PRKD3: variants seen among roughly 807,000 people sequenced by gnomAD.
PRKD3 encodes the protein protein kinase D3.
PRKD3 carries 47 observed loss-of-function variants against 99.2 expected under a neutral mutation model. The observed-to-expected ratio is 0.47, with a 90% confidence interval of 0.38 to 0.60. The LOEUF (loss-of-function observed/expected upper bound fraction) is 0.60. Among genes scored for constraint, PRKD3 ranks in the 20% least tolerant of loss-of-function variants. The pLI, the probability that PRKD3 is intolerant of heterozygous loss-of-function variation, is 0.00. For synonymous variants in PRKD3, 392 were observed against 355.4 expected (o/e 1.10, Z -1.16); for missense variants, 1,019 against 1,088.4 (o/e 0.94, Z 0.90).
chr2:37,286,138 C>A, intron 6 of PRKD3, 39 bp downstream of exon 6: 5 of 1,469,768 alleles, frequency 3.4e-6, no homozygotes, highest in Middle Eastern at 1.8e-4. Flanking sequence ...ATAACAAAAA[C>A]AGACATAAAT....
chr2:37,316,191 C>A, intron 2 of PRKD3, 46 bp downstream of exon 2: 1 of 1,501,540 alleles, frequency 6.7e-7, no homozygotes, highest in Non-Finnish European at 9.1e-7. Context: ...TATAGAAAAA[C>A]ATCAGTAACA....
At position 37,275,735 on chromosome 2, in the gene PRKD3, TGCTTA is replaced by T. The variant is rs1335957746; in HGVS notation, c.1374+27_1374+31del. On this transcript the variant is annotated intron_variant, in intron 10 of 18. Transcript: ENST00000234179. ...CTGAAAAAAACATACACTATCTTAATGCTTATATTTTTTAAAGTGTAAAATCCTTA... is the reference window on the plus strand; with the variant it reads ...CTGAAAAAAACATACACTATCTTAATTATTTTTTAAAGTGTAAAATCCTTA... 13 of 1,567,634 alleles carry T rather than the reference TGCTTA, an allele frequency of 8.3e-6. No homozygotes were observed. The Admixed American group carries it at 1.1e-4, about 14-fold the overall frequency.
intron 2 of PRKD3, among the ~76,000 whole-genome samples, chr2:37,294,918 T>A (rs893109855): frequency 1.4e-4 from 21 of 152,226 alleles, no homozygotes; most frequent in Admixed American, 3.3e-4. Flanking sequence ...CTGATAAAAA[T>A]ACAAAAATTA....
intron 1 of PRKD3, among the ~76,000 whole-genome samples, chr2:37,321,923 T>A (rs541436085): frequency 6.6e-6 from 1 of 152,244 alleles, no homozygotes; most frequent in Non-Finnish European, 1.5e-5. Context: ...TAGTGCAGCA[T>A]CATTCTTTTT....
chr2:37,253,215 T>C lies in PRKD3; in HGVS notation c.2635A>G (p.Met879Val), dbSNP rs1166847998. Residue 879 changes from methionine to valine, a missense_variant, in exon 19 of 19, where the codon ATG becomes GTG. Physicochemically the swap from Met to Val is conservative, Grantham distance 21. Coordinates refer to ENST00000234179, the MANE Select transcript of PRKD3 (RefSeq NM_005813.6). ...TCCATATCATCTGGATTAGGAGCCA[T>C]AATGAAGTGCTTTGGGTATACAAGG... ...HNLVYPKHFI[M>V]APNPDDMEED... 1 of 1,611,884 alleles carries C rather than the reference T, an allele frequency of 6.2e-7. No individual in the cohort carries two copies. Among genetic ancestry groups the C allele is most frequent in the Non-Finnish European group, 8.5e-7 (1 of 1,178,702 alleles).
chr2:37,294,821 T>G (rs1318752404), intron 2 of PRKD3, among the ~76,000 whole-genome samples: 1 of 152,208 alleles, frequency 6.6e-6, no homozygotes, highest in Non-Finnish European at 1.5e-5. Flanking sequence ...ATGCCTGTAA[T>G]CCCAGCACTT....
In PRKD3 at chr2:37,295,157, C is replaced by T. The variant is rs934756343; in HGVS notation, c.289-1886G>A. 5.1e-4 allele frequency among the ~76,000 whole-genome samples: 77 copies of T among 152,024 alleles called. 2 individuals are homozygous for T. Among genetic ancestry groups the T allele is most frequent in the Admixed American group, 1.3e-4 (2 of 15,260 alleles). On this transcript the variant is annotated intron_variant, in intron 2 of 18. Coordinates refer to ENST00000234179, the MANE Select transcript of PRKD3 (RefSeq NM_005813.6). ...CAAAAAGGCATACTTCTTGCATGTC[C>T]GGTAAGTGCAAGATACTGGCCCCAC... is the stretch of plus-strand genomic sequence containing the variant.
intron 1 of PRKD3, among the ~76,000 whole-genome samples, chr2:37,322,243 G>A (rs1428250118): frequency 6.6e-6 from 1 of 151,992 alleles, no homozygotes; most frequent in Non-Finnish European, 1.5e-5. Context: ...CTTTTATATT[G>A]TATGTTGTAT....
chr2:37,273,291 C>T (rs1669398476), intron 11 of PRKD3, among the ~76,000 whole-genome samples: 1 of 152,080 alleles, frequency 6.6e-6, no homozygotes, highest in African/African-American at 2.4e-5. Context: ...CTAAAAACCT[C>T]GAAAACTTAA....
intron 2 of PRKD3, among the ~76,000 whole-genome samples, chr2:37,305,485 A>G (rs565975473): frequency 1.3e-5 from 2 of 152,362 alleles, no homozygotes; most frequent in East Asian, 3.9e-4. Context: ...TAGCAGGAGC[A>G]TTATAGTGGT....
At chr2:37,306,542 C>A (rs1411118435) in intron 2 of PRKD3, among the ~76,000 whole-genome samples, 1 of 152,188 alleles carries the variant, frequency 6.6e-6, no homozygotes, top group African/African-American at 2.4e-5. Context: ...GGTGTGGTGG[C>A]TCACACATGT....
At chr2:37,296,827 G>A (rs1670696124) in intron 2 of PRKD3, among the ~76,000 whole-genome samples, 1 of 150,286 alleles carries the variant, frequency 6.7e-6, no homozygotes, top group Non-Finnish European at 1.5e-5. Flanking sequence ...GTGAACCCGG[G>A]AGGCGGAGGT....
At position 37,250,706 on chromosome 2, in the gene PRKD3, A is replaced by G. The variant is rs1667416195; in HGVS notation, c.*2471T>C. On this transcript the variant is annotated 3_prime_UTR_variant, in exon 19 of 19. Coordinates refer to ENST00000234179, the MANE Select transcript of PRKD3 (RefSeq NM_005813.6). Reference sequence around the variant, plus strand: ...ATAGGCTCAGGTTTTCACATGGAAAAGTATGGTGATAGGAAATACATTTTA... The same window carrying G: ...ATAGGCTCAGGTTTTCACATGGAAAGGTATGGTGATAGGAAATACATTTTA... 1 of 152,222 alleles carries G rather than the reference A, an allele frequency of 6.6e-6. No individual in the cohort carries two copies. The highest frequency in any genetic ancestry group is 2.4e-5 in the African/African-American group (1 of 41,448). The allele number at this position is 152,222 out of a possible 1,614,324, so 9.4% of individuals were successfully genotyped here. A position where few individuals can be genotyped will look rare whatever the true frequency, so the allele number is the denominator to read the frequency against.
chr2:37,282,655 A>C (rs1363742999), intron 6 of PRKD3, 36 bp from the exon 7 acceptor site: 1 of 1,402,948 alleles, frequency 7.1e-7, no homozygotes, highest in South Asian at 1.2e-5. Context: ...AATTTATGTA[A>C]AAGTCAAGCA....
chr2:37,290,927 A>G lies in PRKD3; in HGVS notation c.500T>C (p.Phe167Ser). 3 of 1,603,422 alleles carry G rather than the reference A, an allele frequency of 1.9e-6. No individual in the cohort carries two copies. The highest frequency in any genetic ancestry group is 2.6e-6 in the Non-Finnish European group (3 of 1,170,180). The change falls in exon 4 of 19, where the codon TTC becomes TCC. Residue 167 changes from phenylalanine to serine, a missense_variant. By Grantham distance (155) the Phe-to-Ser change is radical. Transcript: ENST00000234179. ...GAGCATCTCACCACAGTAATCACAG[A>G]AAGTAGGAGCTTTGTAAGAATGTAC... ...LYVHSYKAPT[F>S]CDYCGEMLWG... is the part of the protein sequence containing the mutation.
At chr2:37,279,521 GA>G (rs367996520) in intron 8 of PRKD3, 3,312 of 214,934 alleles carry the variant, frequency 0.015, no homozygotes, top group East Asian at 0.024. Flanking sequence ...AACAAAAAAC[GA>G]AAAAAAAAAA....
At chr2:37,303,018 G>T (rs1247587681) in intron 2 of PRKD3, among the ~76,000 whole-genome samples, 5 of 152,052 alleles carry the variant, frequency 3.3e-5, no homozygotes, top group Admixed American at 1.3e-4. Context: ...ACTACCTACG[G>T]CCGGCCCCAC....
chr2:37,300,015 C>T (rs962230717), intron 2 of PRKD3, among the ~76,000 whole-genome samples: 11 of 152,284 alleles, frequency 7.2e-5, no homozygotes, highest in South Asian at 2.1e-4. Flanking sequence ...CCAGCAATCT[C>T]GCTACAGGGT....
Position 37,254,192 on chromosome 2 carries a change from ATTT to A in PRKD3, c.2499+9_2499+11del. On this transcript the variant is annotated intron_variant, in intron 18 of 18. Coordinates refer to ENST00000234179, the MANE Select transcript of PRKD3 (RefSeq NM_005813.6). ...ATGAGGATTGCCAAAGAGAGATTACATTTTTTTTTACCTGTAGCCAGGGATGAC... is the reference window on the plus strand; with the variant it reads ...ATGAGGATTGCCAAAGAGAGATTACATTTTTTACCTGTAGCCAGGGATGAC... 6.4e-7 allele frequency: 1 copy of A among 1,554,956 alleles called. No homozygotes were observed. The highest frequency in any genetic ancestry group is 1.7e-5 in the Admixed American group (1 of 59,044).
Sources: allele counts gnomAD v4.1 joint callset (sites outside exome capture counted in the v4.1 genomes callset), GRCh38; gene constraint gnomAD v4.1.1; transcripts MANE v1.5; gene names NCBI Gene and HGNC (gene_info 2026-07-23, HGNC 2026-07-21).